The following PAK1 variants were observed in gnomAD, a reference collection of about 807,000 sequenced individuals.
PAK1 encodes the protein p21 (RAC1) activated kinase 1.
In PAK1, 29 loss-of-function variants were observed where a neutral mutation model predicts 67.4. That is an observed-to-expected ratio of 0.43 (90% confidence interval 0.32 to 0.59). The LOEUF (loss-of-function observed/expected upper bound fraction) is 0.59. Among genes scored for constraint, PAK1 ranks in the 20% least tolerant of loss-of-function variants. The pLI is 0.07. For synonymous variants in PAK1, 223 were observed against 237.4 expected (o/e 0.94, Z 0.56); for missense variants, 337 against 670.7 (o/e 0.50, Z 5.50).
At position 77,353,706 on chromosome 11, in the gene PAK1, C is replaced by T. The variant is rs1026428698; in HGVS notation, c.773-107G>A. 1.1e-5 allele frequency: 9 copies of T among 816,772 alleles called. No homozygotes were observed. In the African/African-American group the frequency reaches 1.6e-4, roughly 14 times the overall value. The allele number at this position is 816,772 out of a possible 1,614,324, so 50.6% of individuals were successfully genotyped here. On this transcript the variant is annotated intron_variant, in intron 7 of 14. Coordinates refer to ENST00000356341, the MANE Select transcript of PAK1 (RefSeq NM_002576.5). ...GCTGGCAAGGGTTAAAGAACTACCTCCAATAGCCAAAAAGCATGCTAAACA... is the reference window on the plus strand; with the variant it reads ...GCTGGCAAGGGTTAAAGAACTACCTTCAATAGCCAAAAAGCATGCTAAACA...
At chr11:77,430,979 T>C (rs1955832468) in intron 1 of PAK1, among the ~76,000 whole-genome samples, 1 of 152,154 alleles carries the variant, frequency 6.6e-6, no homozygotes, top group East Asian at 1.9e-4. Flanking sequence ...CAAACTCTAC[T>C]GTGAACTACA....
At chr11:77,512,569 A>G in the PAK1 span, among the ~76,000 whole-genome samples, 1 of 152,082 alleles carries the variant, frequency 6.6e-6, no homozygotes, top group South Asian at 2.1e-4. Context: ...GGGAAGAATG[A>G]TTGTATCCTT....
intron 1 of PAK1, among the ~76,000 whole-genome samples, chr11:77,420,186 G>T (rs1484920857): frequency 6.6e-6 from 1 of 152,158 alleles, no homozygotes; most frequent in Admixed American, 6.5e-5. Flanking sequence ...TAGAGCTACT[G>T]AGATTTCCCT....
At chr11:77,396,103 AC>A (rs1423179103) in intron 1 of PAK1, among the ~76,000 whole-genome samples, 3 of 152,200 alleles carry the variant, frequency 2.0e-5, no homozygotes, top group African/African-American at 7.2e-5. Flanking sequence ...CAAAGGTTTC[AC>A]CAACCTTCCT....
the PAK1 span, among the ~76,000 whole-genome samples, chr11:77,527,285 T>C: frequency 1.3e-5 from 2 of 152,178 alleles, no homozygotes; most frequent in African/African-American, 4.8e-5. Flanking sequence ...GTATTTTTTG[T>C]AGTGATGGGG....
intron 1 of PAK1, among the ~76,000 whole-genome samples, chr11:77,460,513 T>G (rs1957296090): frequency 6.6e-6 from 1 of 151,116 alleles, no homozygotes; most frequent in African/African-American, 2.4e-5. Flanking sequence ...AAAGCAGAGA[T>G]AGGGTTTATC....
At chr11:77,423,763 T>C (rs1426328375) in intron 1 of PAK1, among the ~76,000 whole-genome samples, 2 of 152,178 alleles carry the variant, frequency 1.3e-5, no homozygotes, top group Non-Finnish European at 2.9e-5. Context: ...AACTCTGCCT[T>C]TGTAGCACAA....
At chr11:77,523,068 A>G in the PAK1 span, among the ~76,000 whole-genome samples, 1 of 152,188 alleles carries the variant, frequency 6.6e-6, no homozygotes, top group African/African-American at 2.4e-5. Context: ...TCAGGCTACT[A>G]GACAGCTGAG....
intron 14 of PAK1, among the ~76,000 whole-genome samples, chr11:77,327,119 A>G (rs1940143501): frequency 6.6e-6 from 1 of 152,230 alleles, no homozygotes; most frequent in African/African-American, 2.4e-5. Context: ...AGCCTCCAAG[A>G]AATATGGGAC....
intron 1 of PAK1, among the ~76,000 whole-genome samples, chr11:77,453,745 T>C (rs890366243): frequency 2.0e-5 from 3 of 152,216 alleles, no homozygotes; most frequent in Non-Finnish European, 2.9e-5. Flanking sequence ...GCAGAACCCA[T>C]GTTCATGCAG....
chr11:77,419,902 A>T (rs141207910), intron 1 of PAK1, among the ~76,000 whole-genome samples: 8 of 152,200 alleles, frequency 5.3e-5, no homozygotes, highest in African/African-American at 1.9e-4. Context: ...TATGAGGTGG[A>T]GTATAAAATA....
chr11:77,436,505 C>T (rs1040545709), intron 1 of PAK1, among the ~76,000 whole-genome samples: 9 of 152,202 alleles, frequency 5.9e-5, no homozygotes, highest in Non-Finnish European at 1.2e-4. Flanking sequence ...TTAATTACCT[C>T]TCATGTGCCT....
chr11:77,379,118 A>T, intron 4 of PAK1, 123 bp downstream of exon 4: 1 of 827,002 alleles, frequency 1.2e-6, no homozygotes, highest in Non-Finnish European at 1.8e-6. Flanking sequence ...ATTCCACGTT[A>T]AAGTGCCACT....
At chr11:77,475,043 AGGT>A (rs1958036659), upstream of PAK1, 1 of 152,208 alleles carries the variant, frequency 6.6e-6, no homozygotes, top group African/African-American at 2.4e-5. Flanking sequence ...TACCTTAACT[AGGT>A]CTTCCTAAGC....
Position 77,336,092 on chromosome 11 carries a change from A to C in PAK1, c.1407T>G (p.Pro469=). Residue 469 remains proline, a synonymous_variant, in exon 13 of 15, where the codon CCT becomes CCG. Transcript: ENST00000356341. The part of the protein sequence containing the change: ...EGEPPYLNEN[P]LRALYLIATN... Reference sequence around the variant, plus strand: ...TAGAACTGGTAACACTCACTCTCAGAGGGTTTTCATTGAGGTATGGAGGCT... The same window carrying C: ...TAGAACTGGTAACACTCACTCTCAGCGGGTTTTCATTGAGGTATGGAGGCT... 6.3e-7 allele frequency: 1 copy of C among 1,593,190 alleles called. No homozygotes were observed. Among genetic ancestry groups the C allele is most frequent in the Non-Finnish European group, 8.6e-7 (1 of 1,162,198 alleles).
intron 2 of PAK1, among the ~76,000 whole-genome samples, chr11:77,384,524 C>T (rs1201273439): frequency 3.3e-5 from 5 of 152,120 alleles, no homozygotes; most frequent in Non-Finnish European, 5.9e-5. Context: ...CCTCAAGTGA[C>T]GAATAGATAA....
the PAK1 span, among the ~76,000 whole-genome samples, chr11:77,492,250 G>A: frequency 5.9e-5 from 9 of 151,918 alleles, no homozygotes; most frequent in East Asian, 1.2e-3. Flanking sequence ...CAGGAGAATC[G>A]CCTGAACCCG....
the PAK1 span, among the ~76,000 whole-genome samples, chr11:77,495,875 G>A: frequency 3.0e-3 from 450 of 152,280 alleles, 3 homozygotes; most frequent in African/African-American, 0.01. Flanking sequence ...GTGGTTGCCA[G>A]GGGATGGGCT....
chr11:77,354,415 C>T (rs925184093), intron 7 of PAK1, among the ~76,000 whole-genome samples: 2 of 152,240 alleles, frequency 1.3e-5, no homozygotes, highest in Non-Finnish European at 2.9e-5. Context: ...CAAGTATTAA[C>T]ATCCCTATTT....
Sources: gnomAD v4.1 joint callset for allele counts (sites outside exome capture counted in the v4.1 genomes callset) on GRCh38, gnomAD v4.1.1 for gene constraint, MANE v1.5 for transcripts, NCBI Gene and HGNC (gene_info 2026-07-23, HGNC 2026-07-21) for gene names.